TAFA5: variants seen among roughly 807,000 people sequenced by gnomAD.
TAFA5 encodes TAFA chemokine like family member 5.
Under a neutral mutation model 15.3 loss-of-function variants are expected in TAFA5, and 6 were observed. That is an observed-to-expected ratio of 0.39 (90% confidence interval 0.21 to 0.77). TAFA5 has a LOEUF of 0.77. TAFA5 is among the 30% of genes least tolerant of loss of function. The probability of loss-of-function intolerance (pLI) is 0.41; values close to 1 mark genes in which losing one functional copy is unlikely to be tolerated. For missense variants in TAFA5, 161 were observed against 193.1 expected, an observed-to-expected ratio of 0.83 and a Z score of 0.98; for synonymous variants, 103 against 80.7, an observed-to-expected ratio of 1.28 and a Z score of -1.48.
At chr22:48,712,201 C>A (rs976393609) in intron 3 of TAFA5, among the ~76,000 whole-genome samples, 2 of 152,222 alleles carry the variant, frequency 1.3e-5, no homozygotes, top group Admixed American at 1.3e-4. Flanking sequence ...GAATTACAGG[C>A]ACCCACCATC....
In TAFA5 at chr22:48,653,339, G is replaced by A. The variant is rs76440279; in HGVS notation, c.262+6593G>A. On this transcript the variant is annotated intron_variant, in intron 2 of 3. Coordinates refer to ENST00000402357, the MANE Select transcript of TAFA5 (RefSeq NM_001082967.3). ...GATGGTGGGAAGAGACCCTGCCCCC[G>A]GTTCCCTAGGACGTGGATGTGAATT... Among the ~76,000 whole-genome samples the A allele has an allele frequency of 2.4e-3, 373 of 152,292 alleles. 10 individuals are homozygous for A. In the East Asian group the frequency reaches 0.058, roughly 24 times the overall value.
chr22:48,589,056 G>A (rs948372060), intron 1 of TAFA5, among the ~76,000 whole-genome samples: 1 of 152,198 alleles, frequency 6.6e-6, no homozygotes, highest in Non-Finnish European at 1.5e-5. Context: ...AAATAACTGT[G>A]CTTTGCAGAA....
At chr22:48,610,614 C>T (rs1170951630) in intron 1 of TAFA5, among the ~76,000 whole-genome samples, 1 of 129,770 alleles carries the variant, frequency 7.7e-6, no homozygotes, top group Non-Finnish European at 1.8e-5. Context: ...GGGGCAGGCT[C>T]GCAGGCAGCT....
chr22:48,597,005 C>G (rs1213631230), intron 1 of TAFA5, among the ~76,000 whole-genome samples: 1 of 152,174 alleles, frequency 6.6e-6, no homozygotes, highest in Non-Finnish European at 1.5e-5. Context: ...GAAGGTCTCG[C>G]TGCGATGCCC....
chr22:48,581,867 GA>G (rs1924057391), intron 1 of TAFA5, among the ~76,000 whole-genome samples: 1 of 152,182 alleles, frequency 6.6e-6, no homozygotes, highest in African/African-American at 2.4e-5. Context: ...TGTTCCTGGA[GA>G]GGGGAGGGAG....
At chr22:48,729,060 G>A (rs192041968) in intron 3 of TAFA5, among the ~76,000 whole-genome samples, 1,675 of 151,854 alleles carry the variant, frequency 0.011, 28 homozygotes, top group African/African-American at 0.037. Context: ...TTTTCTAGGG[G>A]AAAAACTACC....
intron 1 of TAFA5, among the ~76,000 whole-genome samples, chr22:48,627,976 G>C (rs1926083920): frequency 6.6e-6 from 1 of 152,208 alleles, no homozygotes; most frequent in South Asian, 2.1e-4. Context: ...CATCCAGGCG[G>C]GGAAATGGAG....
chr22:48,720,218 G>T (rs1929529505), intron 3 of TAFA5, among the ~76,000 whole-genome samples: 1 of 152,082 alleles, frequency 6.6e-6, no homozygotes, highest in African/African-American at 2.4e-5. Flanking sequence ...GTTGGGTCAG[G>T]GTGAGGATCA....
At chr22:48,631,529 C>T (rs1283635807) in intron 1 of TAFA5, among the ~76,000 whole-genome samples, 1 of 152,232 alleles carries the variant, frequency 6.6e-6, no homozygotes, top group Non-Finnish European at 1.5e-5. Flanking sequence ...GTCCCCAGGT[C>T]TCCAGCTGTG....
rs183720611 is a variant in TAFA5 at position 48,578,567 on chromosome 22, C to T, written c.113-68030C>T. Among the ~76,000 whole-genome samples the T allele has an allele frequency of 5.1e-4, 78 of 152,266 alleles. No homozygotes were observed. In the East Asian group the frequency reaches 8.3e-3, roughly 16 times the overall value. On this transcript the variant is annotated intron_variant, in intron 1 of 3. Transcript: ENST00000402357. ...CGTGTGTCGGTGTTGTGGAAGACGG[C>T]GCAGTCATAGGAAGGTGGGATGAGG...
At chr22:48,655,014 C>G (rs2147209019) in intron 2 of TAFA5, among the ~76,000 whole-genome samples, 1 of 152,294 alleles carries the variant, frequency 6.6e-6, no homozygotes, top group African/African-American at 2.4e-5. Flanking sequence ...TAGCTGGATG[C>G]ATCAGTGTGG....
intron 2 of TAFA5, among the ~76,000 whole-genome samples, chr22:48,685,685 C>T (rs951342805): frequency 6.6e-6 from 1 of 151,924 alleles, no homozygotes; most frequent in Non-Finnish European, 1.5e-5. Context: ...TCAGATTTCT[C>T]TGGGCTCTCC....
chr22:48,504,394 G>A (rs917782194), intron 1 of TAFA5, among the ~76,000 whole-genome samples: 1 of 152,226 alleles, frequency 6.6e-6, no homozygotes, highest in Admixed American at 6.5e-5. Context: ...ACTTCCGGGG[G>A]CTGGGCAGGG....
At chr22:48,644,031 T>A (rs968589848) in intron 1 of TAFA5, among the ~76,000 whole-genome samples, 1 of 152,222 alleles carries the variant, frequency 6.6e-6, no homozygotes, top group Non-Finnish European at 1.5e-5. Flanking sequence ...ACAGCATGGC[T>A]TTGACGCAGT....
At chr22:48,705,804 T>C (rs1274773764) in intron 2 of TAFA5, among the ~76,000 whole-genome samples, 1 of 152,236 alleles carries the variant, frequency 6.6e-6, no homozygotes, top group East Asian at 1.9e-4. Flanking sequence ...CACACGTGCA[T>C]TTGCACAACT....
chr22:48,580,909 G>A (rs569061998), intron 1 of TAFA5, among the ~76,000 whole-genome samples: 1 of 152,164 alleles, frequency 6.6e-6, no homozygotes, highest in East Asian at 1.9e-4. Flanking sequence ...CTGATGAGGT[G>A]TGCAGGCAGA....
chr22:48,665,584 A>AT (rs1054681336), intron 2 of TAFA5, among the ~76,000 whole-genome samples: 5 of 151,790 alleles, frequency 3.3e-5, no homozygotes, highest in South Asian at 2.1e-4. Context: ...CTCAAGGCAC[A>AT]TTTTTTTTCT....
intron 1 of TAFA5, among the ~76,000 whole-genome samples, chr22:48,590,018 G>C (rs527768948): frequency 7.2e-6 from 1 of 138,942 alleles, no homozygotes; most frequent in East Asian, 2.7e-4. Flanking sequence ...TGTGTCACGC[G>C]CACATGCACG....
chr22:48,671,309 C>T (rs531107169), intron 2 of TAFA5, among the ~76,000 whole-genome samples: 12 of 152,340 alleles, frequency 7.9e-5, no homozygotes, highest in African/African-American at 2.9e-4. Context: ...CCAAGTTGCC[C>T]CTGGCCTGGA....
Sources: gnomAD v4.1 joint callset for allele counts (sites outside exome capture counted in the v4.1 genomes callset) on GRCh38, gnomAD v4.1.1 for gene constraint, MANE v1.5 for transcripts, NCBI Gene and HGNC (gene_info 2026-07-23, HGNC 2026-07-21) for gene names.